CLVS1: variants seen among roughly 807,000 people sequenced by gnomAD.
The protein encoded by CLVS1 is clavesin 1, also known as clavesin-1.
A neutral mutation model predicts 33.1 loss-of-function variants in CLVS1; 10 were observed. The ratio of observed to expected loss-of-function variants is 0.30; its 90% CI spans 0.19 to 0.51. The LOEUF (loss-of-function observed/expected upper bound fraction) is 0.51, where lower values mean the gene tolerates loss of function less well. CLVS1 is among the 20% of genes least tolerant of loss of function. The probability of loss-of-function intolerance (pLI) is 0.97; values close to 1 mark genes in which losing one functional copy is unlikely to be tolerated. For synonymous variants in CLVS1, 163 were observed against 166.1 expected, an observed-to-expected ratio of 0.98 and a Z score of 0.14; for missense variants, 343 against 433.4, an observed-to-expected ratio of 0.79 and a Z score of 1.85.
intron 1 of CLVS1, among the ~76,000 whole-genome samples, chr8:61,099,640 G>A (rs1805412071): frequency 6.6e-6 from 1 of 152,188 alleles, no homozygotes; most frequent in African/African-American, 2.4e-5. Flanking sequence ...AGACTACATA[G>A]AGGGAGGGAG....
chr8:61,048,951 T>C, the CLVS1 span, among the ~76,000 whole-genome samples: 3 of 152,290 alleles, frequency 2.0e-5, no homozygotes, highest in Non-Finnish European at 4.4e-5. Context: ...TAGGCATTCT[T>C]TAAATCATCC....
At chr8:61,346,253 G>A (rs566179401) in intron 2 of CLVS1, among the ~76,000 whole-genome samples, 2 of 152,148 alleles carry the variant, frequency 1.3e-5, no homozygotes, top group East Asian at 1.9e-4. Flanking sequence ...GGTAAAGCAA[G>A]GGCATTAGTG....
At chr8:61,110,266 G>T (rs1205141833) in intron 1 of CLVS1, among the ~76,000 whole-genome samples, 1 of 152,134 alleles carries the variant, frequency 6.6e-6, no homozygotes, top group African/African-American at 2.4e-5. Flanking sequence ...TGCTGTTAGG[G>T]AGCTGCCCTG....
At position 61,233,575 on chromosome 8, in the gene CLVS1, T is replaced by C. The variant is rs183547121; in HGVS notation, c.-151-66102T>C. Among the ~76,000 whole-genome samples, 206 of 151,954 alleles carry C rather than the reference T, an allele frequency of 1.4e-3. 2 individuals carry two copies. Among genetic ancestry groups the C allele is most frequent in the Non-Finnish European group, 1.5e-3 (104 of 67,978 alleles). On this transcript the variant is annotated intron_variant, in intron 2 of 2. Coordinates refer to the CLVS1 transcript ENST00000522621. ...AAGTCCACGTCAGTCAGATCTAGTT[T>C]AAGATTTCAAACTGCTTCTGGCTTA...
intron 5 of CLVS1, among the ~76,000 whole-genome samples, chr8:61,481,590 T>C (rs1818197391): frequency 1.3e-5 from 2 of 152,180 alleles, no homozygotes; most frequent in African/African-American, 4.8e-5. Flanking sequence ...CCACAGAGCC[T>C]CACTCACTGC....
intron 2 of CLVS1, chr8:61,264,903 A>T (rs1258662250): frequency 6.6e-6 from 1 of 152,176 alleles, no homozygotes; most frequent in East Asian, 1.9e-4. Flanking sequence ...TTCTATAGGA[A>T]ACCAGCTAGC....
intron 5 of CLVS1, among the ~76,000 whole-genome samples, chr8:61,488,100 T>C (rs1803945609): frequency 6.6e-6 from 1 of 152,188 alleles, no homozygotes; most frequent in Admixed American, 6.5e-5. Flanking sequence ...CATTTTCTGT[T>C]ATGATTGGTA....
intron 1 of CLVS1, among the ~76,000 whole-genome samples, chr8:61,080,005 G>A (rs1804992716): frequency 6.6e-6 from 1 of 152,234 alleles, no homozygotes; most frequent in Non-Finnish European, 1.5e-5. Context: ...GGTGGAGGAA[G>A]AAATGAATGG....
At chr8:61,223,132 A>C (rs1808255435) in intron 2 of CLVS1, among the ~76,000 whole-genome samples, 1 of 151,972 alleles carries the variant, frequency 6.6e-6, no homozygotes, top group Admixed American at 6.6e-5. Flanking sequence ...TCCTTATCCA[A>C]TTTGCCAGTC....
chr8:61,247,413 C>T (rs1268121175), intron 2 of CLVS1, among the ~76,000 whole-genome samples: 1 of 152,204 alleles, frequency 6.6e-6, no homozygotes, highest in Admixed American at 6.5e-5. Context: ...TACACTCCCA[C>T]CAACAGTGTA....
chr8:61,397,423 CT>C (rs1339841958), intron 3 of CLVS1, among the ~76,000 whole-genome samples: 3 of 152,066 alleles, frequency 2.0e-5, no homozygotes. Flanking sequence ...AGAAACATGT[CT>C]GCATATAATT....
intron 2 of CLVS1, among the ~76,000 whole-genome samples, chr8:61,242,785 C>T (rs1055926170): frequency 9.5e-5 from 14 of 147,930 alleles, no homozygotes; most frequent in Non-Finnish European, 1.9e-4. Flanking sequence ...AGAGCAGGAC[C>T]CTGCCTCAAA....
In CLVS1 at chr8:61,357,489, CTTTTCTTTT is replaced by C. The variant is rs1415557477; in HGVS notation, c.456-19111_456-19103del. Among the ~76,000 whole-genome samples, 4 of 30,284 alleles carry C rather than the reference CTTTTCTTTT, an allele frequency of 1.3e-4. No individual in the cohort carries two copies. The East Asian group carries it at 2.9e-3, about 22-fold the overall frequency. 19.9% of individuals were successfully genotyped at this position (30,284 alleles called of 152,430 possible). A position where few individuals can be genotyped will look rare whatever the true frequency, so the allele number is the denominator to read the frequency against. ...TTTTCCTTCTTTTTCTTTCCTTTTT[CTTTTCTTTT>C]TTTTTTTTTTTTTTTTTTTTTTTTG... is the stretch of plus-strand genomic sequence containing the variant. On this transcript the variant is annotated intron_variant, in intron 2 of 5. Transcript: ENST00000325897.
At chr8:61,152,127 C>G (rs1806550661) in intron 2 of CLVS1, among the ~76,000 whole-genome samples, 1 of 152,186 alleles carries the variant, frequency 6.6e-6, no homozygotes, top group Non-Finnish European at 1.5e-5. Context: ...GCTTAAACAA[C>G]AAACATTTAT....
chr8:61,111,870 TAG>T (rs147213640), intron 1 of CLVS1, among the ~76,000 whole-genome samples: 2,466 of 152,134 alleles, frequency 0.016, 72 homozygotes, highest in African/African-American at 0.056. Context: ...ATTAAATTTA[TAG>T]AGTTTTGCAG....
chr8:61,395,898 T>C (rs1045108339), intron 3 of CLVS1, among the ~76,000 whole-genome samples: 5 of 152,184 alleles, frequency 3.3e-5, no homozygotes, highest in Non-Finnish European at 7.4e-5. Flanking sequence ...ATATTTTGAC[T>C]CTCAACCTGT....
chr8:61,336,855 TAATA>T (rs1185112802), intron 2 of CLVS1, among the ~76,000 whole-genome samples: 1 of 152,082 alleles, frequency 6.6e-6, no homozygotes, highest in Admixed American at 6.5e-5. Context: ...CATCTGCCAG[TAATA>T]AATAAACAGG....
chr8:61,497,737 A>C (rs1242354601), intron 5 of CLVS1, among the ~76,000 whole-genome samples: 1 of 152,212 alleles, frequency 6.6e-6, no homozygotes, highest in African/African-American at 2.4e-5. Context: ...AAGAAAGTAA[A>C]GGAATAAAAG....
At chr8:61,480,099 C>G (rs1021595718) in intron 5 of CLVS1, among the ~76,000 whole-genome samples, 1 of 152,256 alleles carries the variant, frequency 6.6e-6, no homozygotes, top group Non-Finnish European at 1.5e-5. Context: ...AACCACTACT[C>G]TCTTCAAAGC....
Sources: allele counts gnomAD v4.1 joint callset (sites outside exome capture counted in the v4.1 genomes callset), GRCh38; gene constraint gnomAD v4.1.1; transcripts MANE v1.5; gene names NCBI Gene and HGNC (gene_info 2026-07-23, HGNC 2026-07-21).